The following ANKRD13C variants were observed in gnomAD, a reference collection of about 807,000 sequenced individuals.
The protein encoded by ANKRD13C is ankyrin repeat domain-containing protein 13C.
ANKRD13C carries 16 observed loss-of-function variants against 65.5 expected under a neutral mutation model. That is an observed-to-expected ratio of 0.24 (90% CI 0.17 to 0.37). The LOEUF (loss-of-function observed/expected upper bound fraction) is 0.37. Among genes scored for constraint, ANKRD13C ranks in the 10% least tolerant of loss-of-function variants. ANKRD13C has a pLI of 1.00. For missense variants in ANKRD13C, 503 were observed against 655.9 expected (o/e 0.77, Z 2.55); for synonymous variants, 235 against 238.7 (o/e 0.98, Z 0.14).
rs868752809 is a variant in ANKRD13C, at chr1:70,302,683, G to T, written c.777-1775C>A. Among the ~76,000 whole-genome samples, 5 of 82,438 alleles carry T rather than the reference G, an allele frequency of 6.1e-5. 1 individual carries two copies. The highest frequency in any genetic ancestry group is 2.9e-4 in the African/African-American group (5 of 17,490). The allele number at this position is 82,438 out of a possible 152,430, so 54.1% of individuals were successfully genotyped here. ...GGAGCTTGCAGTGAGCCGAGATCCC[G>T]CCACTGCACTCCAGCCTGGGCGACA... On this transcript the variant is annotated intron_variant, in intron 6 of 12. Transcript: ENST00000370944.
chr1:70,333,330 A>C (rs1289682287), intron 2 of ANKRD13C, among the ~76,000 whole-genome samples: 1 of 152,136 alleles, frequency 6.6e-6, no homozygotes, highest in Non-Finnish European at 1.5e-5. Context: ...CTTTGAAAAA[A>C]AAAAGCGCAA....
chr1:70,259,379 T>C lies in ANKRD13C; in HGVS notation c.*3338A>G, dbSNP rs941193150. On this transcript the variant is annotated 3_prime_UTR_variant, in exon 13 of 13. Coordinates refer to ENST00000370944, the MANE Select transcript of ANKRD13C (RefSeq NM_030816.5). ...AAGATTTTGCTTCAATATTTTTCAG[T>C]GTGTGGAAAAAGCAAAATTGTAATT... is the stretch of plus-strand genomic sequence containing the variant. 6.6e-6 allele frequency among the ~76,000 whole-genome samples: 1 copy of C among 152,188 alleles called. No homozygotes were observed. Among genetic ancestry groups the C allele is most frequent in the African/African-American group, 2.4e-5 (1 of 41,448 alleles).
chr1:70,294,976 T>G (rs1342905307), intron 8 of ANKRD13C, among the ~76,000 whole-genome samples: 1 of 152,094 alleles, frequency 6.6e-6, no homozygotes, highest in Non-Finnish European at 1.5e-5. Context: ...AATCAATTTC[T>G]TCCTTCTCCT....
chr1:70,344,334 G>A (rs1682438695), intron 1 of ANKRD13C, among the ~76,000 whole-genome samples: 1 of 150,936 alleles, frequency 6.6e-6, no homozygotes, highest in African/African-American at 2.4e-5. Context: ...ATGGTAGTGT[G>A]GTATGCCTGT....
At chr1:70,294,143 T>C (rs1267409261) in intron 8 of ANKRD13C, among the ~76,000 whole-genome samples, 1 of 152,146 alleles carries the variant, frequency 6.6e-6, no homozygotes, top group Non-Finnish European at 1.5e-5. Context: ...AAAAGCCAGC[T>C]GCAAAACAGT....
intron 1 of ANKRD13C, among the ~76,000 whole-genome samples, chr1:70,336,735 A>T: frequency 6.6e-6 from 1 of 152,174 alleles, no homozygotes; most frequent in Non-Finnish European, 1.5e-5. Context: ...GAAACAATTT[A>T]TATTTGGGAA....
chr1:70,307,609 T>C (rs1037460396), intron 5 of ANKRD13C, among the ~76,000 whole-genome samples: 1 of 152,186 alleles, frequency 6.6e-6, no homozygotes, highest in Non-Finnish European at 1.5e-5. Flanking sequence ...TATTAACGAA[T>C]TGTTGCCCTA....
chr1:70,354,654 G>A lies in ANKRD13C; in HGVS notation c.-246C>T, dbSNP rs1367853122. 1 of 941,038 alleles carries A rather than the reference G, an allele frequency of 1.1e-6. No individual in the cohort carries two copies. The highest frequency in any genetic ancestry group is 1.7e-5 in the African/African-American group (1 of 60,148). The allele number at this position is 941,038 out of a possible 1,614,324, so 58.3% of individuals were successfully genotyped here. A position where few individuals can be genotyped will look rare whatever the true frequency, so the allele number is the denominator to read the frequency against. On this transcript the variant is annotated 5_prime_UTR_variant, in exon 1 of 13. Coordinates refer to ENST00000370944, the MANE Select transcript of ANKRD13C (RefSeq NM_030816.5). ...AGGTGCCCACGACACCAGGATCTCA[G>A]TCTCGCCGTCGCAGCCGCCGTCGCT...
chr1:70,302,492 C>T (rs1680407605), intron 6 of ANKRD13C, among the ~76,000 whole-genome samples: 1 of 110,664 alleles, frequency 9.0e-6, no homozygotes, highest in African/African-American at 4.0e-5. Context: ...TTTGGGAGGC[C>T]AAGGCGGGCG....
At chr1:70,330,754 A>C (rs1681759647) in intron 2 of ANKRD13C, among the ~76,000 whole-genome samples, 1 of 152,104 alleles carries the variant, frequency 6.6e-6, no homozygotes. Flanking sequence ...AAAAAATTGC[A>C]GATCCAAAAA....
intron 1 of ANKRD13C, among the ~76,000 whole-genome samples, chr1:70,353,010 C>T (rs1557428909): frequency 6.6e-6 from 1 of 152,148 alleles, no homozygotes; most frequent in Non-Finnish European, 1.5e-5. Flanking sequence ...TTCATTGATA[C>T]GTATATCATT....
At chr1:70,348,861 A>C (rs1174502566) in intron 1 of ANKRD13C, among the ~76,000 whole-genome samples, 1 of 152,234 alleles carries the variant, frequency 6.6e-6, no homozygotes, top group East Asian at 1.9e-4. Flanking sequence ...GTCACCTGCC[A>C]GGCAATGTAA....
chr1:70,285,790 A>G (rs1336751685), intron 9 of ANKRD13C, among the ~76,000 whole-genome samples: 2 of 151,600 alleles, frequency 1.3e-5, no homozygotes, highest in Non-Finnish European at 2.9e-5. Flanking sequence ...ACACCTAGCT[A>G]ATTTTTATAT....
At chr1:70,335,707 T>C (rs1681994223) in intron 2 of ANKRD13C, among the ~76,000 whole-genome samples, 2 of 149,524 alleles carry the variant, frequency 1.3e-5, no homozygotes, top group African/African-American at 4.9e-5. Flanking sequence ...TAAAATATTA[T>C]ATATTAAAAA....
intron 9 of ANKRD13C, among the ~76,000 whole-genome samples, chr1:70,284,580 G>A (rs143593849): frequency 1.3e-3 from 202 of 152,148 alleles, no homozygotes; most frequent in African/African-American, 4.8e-3. Flanking sequence ...CTATAACAAA[G>A]ACAGACTAAG....
rs1429236053 is a variant in ANKRD13C, at chr1:70,261,334, AC to A, written c.*1382del. 3 of 152,066 alleles carry A rather than the reference AC, an allele frequency of 2.0e-5. No homozygotes were observed. Among genetic ancestry groups the A allele is most frequent in the Admixed American group, 1.3e-4 (2 of 15,252 alleles). The allele number at this position is 152,066 out of a possible 1,614,324, so 9.4% of individuals were successfully genotyped here. On this transcript the variant is annotated 3_prime_UTR_variant, in exon 13 of 13. Transcript: ENST00000370944. ...AGGGTCTCTAAACTCCTTTCAAATTACCTAAAATCCTGAAAAAAGTTTAAGC... is the reference window on the plus strand; with the variant it reads ...AGGGTCTCTAAACTCCTTTCAAATTACTAAAATCCTGAAAAAAGTTTAAGC...
chr1:70,320,296 G>A (rs77076208), intron 3 of ANKRD13C, among the ~76,000 whole-genome samples: 2,547 of 152,002 alleles, frequency 0.017, 62 homozygotes, highest in African/African-American at 0.054. Flanking sequence ...ACCAGAAGAC[G>A]AAACTAAAAT....
chr1:70,282,644 G>T (rs1033703476), intron 9 of ANKRD13C, among the ~76,000 whole-genome samples: 1 of 152,160 alleles, frequency 6.6e-6, no homozygotes, highest in Non-Finnish European at 1.5e-5. Flanking sequence ...GTAGAATGAC[G>T]AAGAGGCTTA....
intron 12 of ANKRD13C, among the ~76,000 whole-genome samples, chr1:70,265,908 C>T (rs921661220): frequency 4.0e-4 from 50 of 124,888 alleles, no homozygotes; most frequent in African/African-American, 1.4e-3. Context: ...GGAAAGAGGA[C>T]GGAAGGAAAG....
Sources: allele counts gnomAD v4.1 joint callset (sites outside exome capture counted in the v4.1 genomes callset), GRCh38; gene constraint gnomAD v4.1.1; transcripts MANE v1.5; gene names NCBI Gene and HGNC (gene_info 2026-07-23, HGNC 2026-07-21).